Variants in LRRC4C observed in about 807,000 individuals in gnomAD.
LRRC4C encodes leucine-rich repeat-containing protein 4C.
Under a neutral mutation model 33.6 loss-of-function variants are expected in LRRC4C, and 5 were observed. The ratio of observed to expected loss-of-function variants is 0.15; its 90% CI spans 0.08 to 0.31. The LOEUF (loss-of-function observed/expected upper bound fraction) is 0.31, where lower values mean the gene tolerates loss of function less well. Ranked by LOEUF, LRRC4C falls within the 10% of genes least tolerant of loss-of-function variation. The pLI is 1.00. For missense variants in LRRC4C, 560 were observed against 796.7 expected (o/e 0.70, Z 3.58); for synonymous variants, 329 against 302.0 (o/e 1.09, Z -0.93).
intron 1 of LRRC4C, among the ~76,000 whole-genome samples, chr11:41,350,225 T>A (rs1951931940): frequency 6.6e-6 from 1 of 152,048 alleles, no homozygotes; most frequent in Non-Finnish European, 1.5e-5. Flanking sequence ...TGAAAAAATG[T>A]TTTCGTCAGG....
At chr11:40,678,371 G>A (rs114766878) in intron 2 of LRRC4C, among the ~76,000 whole-genome samples, 89 of 151,968 alleles carry the variant, frequency 5.9e-4, no homozygotes, top group African/African-American at 2.0e-3. Flanking sequence ...ATTACTTTTC[G>A]ATTGTTCTGA....
chr11:40,977,304 G>A (rs903137399), intron 1 of LRRC4C, among the ~76,000 whole-genome samples: 1 of 152,018 alleles, frequency 6.6e-6, no homozygotes, highest in African/African-American at 2.4e-5. Context: ...TGATAACCAG[G>A]GTGGCACTTG....
intron 1 of LRRC4C, among the ~76,000 whole-genome samples, chr11:41,225,857 C>T (rs528367475): frequency 1.3e-5 from 2 of 152,214 alleles, no homozygotes; most frequent in Admixed American, 6.5e-5. Context: ...CTGCAGAGAA[C>T]TATCACAGGA....
chr11:40,956,367 T>C (rs1318209760), intron 1 of LRRC4C, among the ~76,000 whole-genome samples: 1 of 151,776 alleles, frequency 6.6e-6, no homozygotes. Flanking sequence ...GTAGTGAGCA[T>C]TGCAATTTGC....
chr11:40,666,735 AG>A (rs773405767), intron 2 of LRRC4C, among the ~76,000 whole-genome samples: 1 of 152,296 alleles, frequency 6.6e-6, no homozygotes, highest in Non-Finnish European at 1.5e-5. Context: ...TTAAATTAAC[AG>A]GAGAAAAGAG....
At chr11:41,180,409 T>C (rs1043620249) in intron 1 of LRRC4C, among the ~76,000 whole-genome samples, 4 of 152,208 alleles carry the variant, frequency 2.6e-5, no homozygotes, top group African/African-American at 9.6e-5. Context: ...TTAAGAGATT[T>C]TATAAATAAA....
intron 5 of LRRC4C, among the ~76,000 whole-genome samples, chr11:40,197,079 A>G (rs1371393476): frequency 6.6e-6 from 1 of 152,226 alleles, no homozygotes; most frequent in Admixed American, 6.5e-5. Context: ...TAACTAATCC[A>G]GAACCCGATA....
At chr11:40,825,713 C>A (rs1334281975) in intron 2 of LRRC4C, among the ~76,000 whole-genome samples, 4 of 151,598 alleles carry the variant, frequency 2.6e-5, no homozygotes, top group Admixed American at 6.6e-5. Flanking sequence ...GGGAGTGTTT[C>A]TTTTTCTTTC....
chr11:40,947,969 A>AT lies in LRRC4C; in HGVS notation c.-495-14247dup, dbSNP rs1388231463. Among the ~76,000 whole-genome samples, 8 of 151,522 alleles carry AT rather than the reference A, an allele frequency of 5.3e-5. No individual in the cohort carries two copies. In the East Asian group the frequency reaches 9.7e-4, roughly 18 times the overall value. On this transcript the variant is annotated intron_variant, in intron 1 of 6. Transcript: ENST00000528697. ...CATTGTGTTGAGTATTTTTGTCCTC[A>AT]TTTTTTTTCAGCTATTTCAAGCGAG...
chr11:40,909,150 T>G (rs539671087), intron 2 of LRRC4C, among the ~76,000 whole-genome samples: 4 of 152,200 alleles, frequency 2.6e-5, no homozygotes, highest in African/African-American at 9.6e-5. Context: ...TGGAAATAAT[T>G]ATCTTGCTTT....
intron 3 of LRRC4C, among the ~76,000 whole-genome samples, chr11:40,575,293 T>G (rs1958146340): frequency 6.6e-6 from 1 of 152,154 alleles, no homozygotes; most frequent in African/African-American, 2.4e-5. Context: ...TCATTTTCTT[T>G]TATATTCTTT....
At chr11:41,279,696 C>A (rs1211339893) in intron 1 of LRRC4C, among the ~76,000 whole-genome samples, 1 of 152,108 alleles carries the variant, frequency 6.6e-6, no homozygotes, top group East Asian at 1.9e-4. Context: ...AGGTCATTTC[C>A]TTTTTGGCCA....
chr11:41,285,631 A>G (rs1024674208), intron 1 of LRRC4C, among the ~76,000 whole-genome samples: 11 of 152,120 alleles, frequency 7.2e-5, no homozygotes, highest in Admixed American at 4.6e-4. Flanking sequence ...CATGGAAGAC[A>G]GTCCTACATG....
At chr11:40,678,439 A>G (rs1328659206) in intron 2 of LRRC4C, among the ~76,000 whole-genome samples, 3 of 152,018 alleles carry the variant, frequency 2.0e-5, no homozygotes, top group Non-Finnish European at 2.9e-5. Flanking sequence ...GGCCCAACTG[A>G]TTTTAAAATA....
chr11:40,801,398 A>G (rs563665973), intron 2 of LRRC4C, among the ~76,000 whole-genome samples: 27 of 152,252 alleles, frequency 1.8e-4, no homozygotes, highest in Admixed American at 4.6e-4. Flanking sequence ...GAGGACCTAC[A>G]TCATTCTCTT....
chr11:41,448,128 T>G (rs1375797589), intron 1 of LRRC4C, among the ~76,000 whole-genome samples: 6 of 139,202 alleles, frequency 4.3e-5, no homozygotes, highest in African/African-American at 1.3e-4. Context: ...GTCTGTTTTT[T>G]TTTTTTTTTT....
At chr11:40,636,968 T>G (rs533167464) in intron 3 of LRRC4C, among the ~76,000 whole-genome samples, 55 of 152,292 alleles carry the variant, frequency 3.6e-4, no homozygotes, top group Non-Finnish European at 6.5e-4. Flanking sequence ...TTGACAACAT[T>G]GCACTGGCAT....
chr11:40,253,474 C>T (rs1866950728), intron 4 of LRRC4C, among the ~76,000 whole-genome samples: 2 of 152,152 alleles, frequency 1.3e-5, no homozygotes, highest in African/African-American at 2.4e-5. Context: ...ACTTGTTACT[C>T]AATCTCAATA....
intron 3 of LRRC4C, among the ~76,000 whole-genome samples, chr11:40,439,938 A>G (rs187147000): frequency 1.3e-3 from 192 of 152,334 alleles, no homozygotes; most frequent in African/African-American, 4.5e-3. Context: ...ACCACCTGTC[A>G]CTTGTTCTTT....
Sources: allele counts gnomAD v4.1 joint callset (sites outside exome capture counted in the v4.1 genomes callset), GRCh38; gene constraint gnomAD v4.1.1; transcripts MANE v1.5; gene names NCBI Gene and HGNC (gene_info 2026-07-23, HGNC 2026-07-21).